The following SLC38A10 variants were observed in gnomAD, a reference collection of about 807,000 sequenced individuals.
SLC38A10 encodes solute carrier family 38 member 10.
Under a neutral mutation model 81.0 loss-of-function variants are expected in SLC38A10, and 53 were observed. That is an observed-to-expected ratio of 0.65 (90% confidence interval 0.53 to 0.82). The LOEUF (loss-of-function observed/expected upper bound fraction) is 0.82. Ranked by LOEUF, SLC38A10 falls within the 40% of genes least tolerant of loss-of-function variation. SLC38A10 has a pLI of 0.00. For missense variants in SLC38A10, 1,471 were observed against 1,545.0 expected, an observed-to-expected ratio of 0.95 and a Z score of 0.80; for synonymous variants, 665 against 655.3, an observed-to-expected ratio of 1.01 and a Z score of -0.23.
At chr17:81,280,180 C>T (rs552786059) in intron 6 of SLC38A10, 1 of 452,254 alleles carries the variant, frequency 2.2e-6, no homozygotes, top group Non-Finnish European at 4.5e-6. Flanking sequence ...AGAGAGAAAG[C>T]AGGCTCGCGC....
Position 81,295,078 on chromosome 17 carries a change from G to A in SLC38A10, c.-157C>T, listed in dbSNP as rs1010828769. ...CCTGAACACGGGAGCCTGAGCAGGCGCGGGCGCGGGCCCCAGAGGCTGCCT... is the reference window on the plus strand; with the variant it reads ...CCTGAACACGGGAGCCTGAGCAGGCACGGGCGCGGGCCCCAGAGGCTGCCT... On this transcript the variant is annotated 5_prime_UTR_variant, in exon 1 of 16. Transcript: ENST00000374759. 28 of 1,255,714 alleles carry A rather than the reference G, an allele frequency of 2.2e-5. No individual in the cohort carries two copies. The African/African-American group carries it at 3.8e-4, about 17-fold the overall frequency. The allele number at this position is 1,255,714 out of a possible 1,614,324, so 77.8% of individuals were successfully genotyped here. A position where few individuals can be genotyped will look rare whatever the true frequency, so the allele number is the denominator to read the frequency against.
In SLC38A10 at chr17:81,288,582, G is replaced by A. The variant is rs997424371; in HGVS notation, c.217+1109C>T. 1.3e-5 allele frequency among the ~76,000 whole-genome samples: 2 copies of A among 152,248 alleles called. No individual in the cohort carries two copies. The highest frequency in any genetic ancestry group is 4.8e-5 in the African/African-American group (2 of 41,460). ...GTGGGCAGACGGGAAGGTGAGGGAT[G>A]GCGCCCTCGAAGACAAACAACGTAG... On this transcript the variant is annotated intron_variant, in intron 2 of 15. Transcript: ENST00000374759. The surrounding 1 kb of genome is among the most constrained non-coding windows in gnomAD (Gnocchi z 5.4).
At chr17:81,259,205 G>T (rs1442171354) in intron 11 of SLC38A10, among the ~76,000 whole-genome samples, 1 of 152,356 alleles carries the variant, frequency 6.6e-6, no homozygotes, top group South Asian at 2.1e-4. Flanking sequence ...CAGAAGTGGA[G>T]GCCCCTCCTG....
At chr17:81,259,920 G>A (rs965424544) in intron 11 of SLC38A10, among the ~76,000 whole-genome samples, 4 of 152,214 alleles carry the variant, frequency 2.6e-5, no homozygotes, top group Admixed American at 6.5e-5. Context: ...ATAACAGCAC[G>A]TGAGCAACAC....
At chr17:81,261,326 G>A (rs2146907556) in intron 10 of SLC38A10, among the ~76,000 whole-genome samples, 1 of 152,350 alleles carries the variant, frequency 6.6e-6, no homozygotes, top group South Asian at 2.1e-4. Flanking sequence ...GCGGGTGCTG[G>A]TTTCTGCCTG....
intron 6 of SLC38A10, chr17:81,280,188 C>T (rs890953043): frequency 2.2e-5 from 10 of 450,642 alleles, no homozygotes; most frequent in Admixed American, 9.4e-5. Context: ...AGCAGGCTCG[C>T]GCGCACATGC....
In SLC38A10 at chr17:81,270,285, G is replaced by A. The variant is rs776720518; in HGVS notation, c.1131+633C>T. ...TTCCTACAGACGCGTGCTCAAATACGTCGACATGCTCATGAACACAGATAT... is the reference window on the plus strand; with the variant it reads ...TTCCTACAGACGCGTGCTCAAATACATCGACATGCTCATGAACACAGATAT... On this transcript the variant is annotated intron_variant, in intron 10 of 15. Coordinates refer to ENST00000374759, the MANE Select transcript of SLC38A10 (RefSeq NM_001037984.3). The surrounding 1 kb of genome is among the most constrained non-coding windows in gnomAD (Gnocchi z 4.0). 1.3e-5 allele frequency among the ~76,000 whole-genome samples: 2 copies of A among 152,148 alleles called. No homozygotes were observed. Among genetic ancestry groups the A allele is most frequent in the Non-Finnish European group, 2.9e-5 (2 of 68,030 alleles).
rs76438508 is a variant in SLC38A10 at position 81,275,847 on chromosome 17, G to A, written c.912+122C>T. 2,560 of 1,178,158 alleles carry A rather than the reference G, an allele frequency of 2.2e-3. 53 individuals carry two copies. The African/African-American group carries it at 0.035, about 16-fold the overall frequency. The allele number at this position is 1,178,158 out of a possible 1,614,324, so 73.0% of individuals were successfully genotyped here. ...GGCTCCCCCAACTTCCGCCCTCCCG[G>A]GACTCCTCTGACGCAAATCCCCACT... On this transcript the variant is annotated intron_variant, in intron 8 of 15. Transcript: ENST00000374759.
At position 81,270,114 on chromosome 17, in the gene SLC38A10, G is replaced by A. The variant is rs2063101552; in HGVS notation, c.1131+804C>T. Among the ~76,000 whole-genome samples, 1 of 152,210 alleles carries A rather than the reference G, an allele frequency of 6.6e-6. No homozygotes were observed. The highest frequency in any genetic ancestry group is 2.4e-5 in the African/African-American group (1 of 41,458). On this transcript the variant is annotated intron_variant, in intron 10 of 15. Transcript: ENST00000374759. This position sits in a 1 kb window ranked among gnomAD's most constrained non-coding sequence, Gnocchi z 4.0. The stretch of plus-strand genomic sequence containing the variant: ...AGACACTCAAGTTCCCGCCAGAGAG[G>A]CCAAGAATGATGAAGCCTGGAAGGT...
In SLC38A10 at chr17:81,247,000, C is replaced by T. The variant is rs775605554; in HGVS notation, c.2127G>A (p.Gln709=). The change falls in exon 15 of 16, where the codon CAG becomes CAA. Residue 709 remains glutamine, a synonymous_variant. Coordinates refer to ENST00000374759, the MANE Select transcript of SLC38A10 (RefSeq NM_001037984.3). ...AVLLQVIKEQ[Q]VQQKRLLDQQ... ...GGTCCAGCAAGCGCTTTTGCTGCAC[C>T]TGCTGTTCTTTGATCACCTGAAGCA... The T allele has an allele frequency of 1.2e-6, 2 of 1,605,306 alleles. No individual in the cohort carries two copies. Among genetic ancestry groups the T allele is most frequent in the South Asian group, 2.2e-5 (2 of 90,996 alleles).
At chr17:81,272,761 G>C in intron 8 of SLC38A10, 134 bp from the exon 9 acceptor site, 1 of 534,698 alleles carries the variant, frequency 1.9e-6, no homozygotes, top group Non-Finnish European at 3.2e-6. Flanking sequence ...CACTCACCTG[G>C]CAGGTGAGCC....
At chr17:81,268,215 C>T (rs2063085575) in intron 10 of SLC38A10, among the ~76,000 whole-genome samples, 1 of 151,970 alleles carries the variant, frequency 6.6e-6, no homozygotes, top group South Asian at 2.1e-4. Context: ...ACACATTTGC[C>T]TCAATGGGAC....
intron 8 of SLC38A10, 137 bp from the exon 9 acceptor site, chr17:81,272,764 G>A (rs2063128519): frequency 1.9e-6 from 1 of 527,328 alleles, no homozygotes; most frequent in African/African-American, 2.0e-5. Flanking sequence ...TCACCTGGCA[G>A]GTGAGCCTGA....
chr17:81,247,892 T>C (rs2062868107), intron 14 of SLC38A10, among the ~76,000 whole-genome samples: 1 of 151,568 alleles, frequency 6.6e-6, no homozygotes, highest in African/African-American at 2.4e-5. Flanking sequence ...GAAAAGAATA[T>C]TGGTACTTCT....
chr17:81,287,527 G>A (rs111847887), intron 2 of SLC38A10, among the ~76,000 whole-genome samples: 2 of 152,224 alleles, frequency 1.3e-5, no homozygotes, highest in African/African-American at 4.8e-5. Context: ...CTGGGCCCAG[G>A]GGCCTCTGTC....
rs773740551 is a variant in SLC38A10, at chr17:81,245,885, C to G, written c.3031G>C (p.Glu1011Gln). The G allele has an allele frequency of 1.2e-6, 2 of 1,612,276 alleles. No homozygotes were observed. Among genetic ancestry groups the G allele is most frequent in the Admixed American group, 3.3e-5 (2 of 60,016 alleles). The change falls in exon 16 of 16, where the codon GAG (glutamate) becomes CAG (glutamine). Residue 1011 changes from glutamate to glutamine, a missense_variant. Glu to Gln is a conservative substitution (Grantham distance 29). This residue lies in a region of SLC38A10 where 751 missense variants were observed against 717.4 expected (regional missense o/e 1.05). Transcript: ENST00000374759. ...TCTGGCTCTGGCCTCTGCCTGGGCTCCTGGACAGCAGCGTCCTCCCCGCCT... is the reference window on the plus strand; with the variant it reads ...TCTGGCTCTGGCCTCTGCCTGGGCTGCTGGACAGCAGCGTCCTCCCCGCCT... ...PRGGEDAAVQ[E>Q]PRQRPEPELG...
At chr17:81,282,771 A>G (rs554713300) in intron 4 of SLC38A10, among the ~76,000 whole-genome samples, 1 of 152,312 alleles carries the variant, frequency 6.6e-6, no homozygotes, top group Admixed American at 6.5e-5. Flanking sequence ...TAGGGGACCT[A>G]GCTCCCTGGA....
Position 81,260,244 on chromosome 17 carries a change from G to A in SLC38A10, c.1282C>T (p.Leu428Phe), listed in dbSNP as rs910035485. 2.5e-6 allele frequency: 4 copies of A among 1,601,542 alleles called. No homozygotes were observed. The highest frequency in any genetic ancestry group is 1.7e-5 in the Admixed American group (1 of 57,920). ...EGLMKVEAAR[L>F]SAQDPVVAVA... is the part of the protein sequence containing the mutation. ...AGAGCCAGGGTGGGCATACCTGAGA[G>A]CCGCGCTGCCTCCACCTTCATCAAA... Residue 428 changes from leucine (L) to phenylalanine (F), a missense_variant, in exon 11 of 16, where the codon CTC becomes TTC. By Grantham distance (22) the Leu-to-Phe change is conservative. Coordinates refer to ENST00000374759, the MANE Select transcript of SLC38A10 (RefSeq NM_001037984.3).
Position 81,283,361 on chromosome 17 carries a change from A to G in SLC38A10, c.357+48T>C. The G allele has an allele frequency of 1.3e-6, 2 of 1,552,702 alleles. No individual in the cohort carries two copies. The highest frequency in any genetic ancestry group is 1.8e-6 in the Non-Finnish European group (2 of 1,134,026). Reference sequence around the variant, plus strand: ...GGGAGGATCCCACAGAGGGCCTCAGAGCAGCCGTCAGCATCTGAACAACCC... The same window carrying G: ...GGGAGGATCCCACAGAGGGCCTCAGGGCAGCCGTCAGCATCTGAACAACCC... On this transcript the variant is annotated intron_variant, in intron 4 of 15. Coordinates refer to ENST00000374759, the MANE Select transcript of SLC38A10 (RefSeq NM_001037984.3). The surrounding 1 kb of genome is among the most constrained non-coding windows in gnomAD (Gnocchi z 4.7).
Sources: allele counts gnomAD v4.1 joint callset (sites outside exome capture counted in the v4.1 genomes callset), GRCh38; gene constraint gnomAD v4.1.1; regional missense constraint gnomAD v4.1.1; non-coding constraint Gnocchi (gnomAD v3.1); transcripts MANE v1.5; gene names NCBI Gene and HGNC (gene_info 2026-07-23, HGNC 2026-07-21).